The following STAG2 variants were observed in gnomAD, a reference collection of about 807,000 sequenced individuals.
The protein encoded by STAG2 is cohesin subunit SA-2.
STAG2 carries 14 observed loss-of-function variants against 108.1 expected under a neutral mutation model. The observed-to-expected ratio is 0.13, with a 90% CI of 0.09 to 0.20. The LOEUF is 0.20. STAG2 is among the 10% of genes least tolerant of loss of function. The pLI is 1.00. For missense variants in STAG2, 440 were observed against 940.9 expected, an observed-to-expected ratio of 0.47 and a Z score of 6.96; for synonymous variants, 307 against 302.7, an observed-to-expected ratio of 1.01 and a Z score of -0.15.
chrX:124,082,872 T>TCAAC (rs2058998719), intron 28 of STAG2, among the ~76,000 whole-genome samples: 1 of 111,678 alleles, frequency 9.0e-6, no homozygotes, highest in Admixed American at 9.6e-5. Flanking sequence ...TCCATCTGGA[T>TCAAC]TGTTTTTTAC....
chrX:123,964,164 A>G (rs1248796795), intron 1 of STAG2, among the ~76,000 whole-genome samples: 1 of 110,317 alleles, frequency 9.1e-6, no homozygotes, highest in Admixed American at 9.7e-5. Context: ...GGGGGTAATG[A>G]CTTAAGTTTA....
At chrX:124,040,626 A>T (rs1277715055) in intron 6 of STAG2, among the ~76,000 whole-genome samples, 1 of 108,564 alleles carries the variant, frequency 9.2e-6, no homozygotes, top group Non-Finnish European at 1.9e-5. Context: ...GAAATGAGGG[A>T]TTGTTGAAAA....
intron 4 of STAG2, among the ~76,000 whole-genome samples, chrX:124,029,055 C>T (rs1238239400): frequency 2.0e-4 from 21 of 104,585 alleles, no homozygotes; most frequent in Non-Finnish European, 3.5e-4. Flanking sequence ...CTTGCTCTGT[C>T]GCCCAGGCTG....
At chrX:123,985,737 A>ATT (rs747850533) in intron 1 of STAG2, among the ~76,000 whole-genome samples, 5 of 101,620 alleles carry the variant, frequency 4.9e-5, no homozygotes, top group African/African-American at 1.4e-4. Flanking sequence ...TACCAGGCTA[A>ATT]TTTTTTTTTT....
chrX:124,061,108 C>A, intron 15 of STAG2, 116 bp from the exon 16 acceptor site: 1 of 488,390 alleles, frequency 2.0e-6, no homozygotes, highest in Non-Finnish European at 3.2e-6. Context: ...TATTTGACGT[C>A]AAAAAATAGA....
At chrX:123,991,166 A>G (rs1174367249) in intron 1 of STAG2, among the ~76,000 whole-genome samples, 1 of 111,949 alleles carries the variant, frequency 8.9e-6, no homozygotes, top group East Asian at 2.8e-4. Flanking sequence ...CAATGTACAT[A>G]ATTGTATAGT....
intron 30 of STAG2, among the ~76,000 whole-genome samples, chrX:124,089,130 C>A (rs1055020280): frequency 9.4e-6 from 1 of 106,514 alleles, no homozygotes; most frequent in African/African-American, 3.4e-5. Context: ...TTGCCAGGCT[C>A]GAACTCCTGA....
chrX:123,963,610 A>G (rs2053968460), intron 1 of STAG2, among the ~76,000 whole-genome samples: 1 of 101,428 alleles, frequency 9.9e-6, no homozygotes, highest in African/African-American at 3.7e-5. Flanking sequence ...TATGTTAAAT[A>G]GTCGATTTTT....
chrX:124,068,058 T>C (rs1569517035), intron 23 of STAG2, among the ~76,000 whole-genome samples: 1 of 110,074 alleles, frequency 9.1e-6, no homozygotes, highest in Non-Finnish European at 1.9e-5. Context: ...CCAATAAAAA[T>C]AAAAAGTTTG....
At chrX:124,028,858 G>C (rs1311984031) in intron 4 of STAG2, among the ~76,000 whole-genome samples, 13 of 95,899 alleles carry the variant, frequency 1.4e-4, no homozygotes, top group Non-Finnish European at 2.5e-4. Flanking sequence ...TCGCTCTGTT[G>C]ACCAGGCTTG....
intron 5 of STAG2, 106 bp from the exon 6 acceptor site, chrX:124,037,421 G>C (rs761808009): frequency 3.0e-5 from 9 of 296,446 alleles, no homozygotes; most frequent in Non-Finnish European, 5.3e-5. Context: ...TTATATTAAA[G>C]TAATGTGATA....
At chrX:124,070,422 G>C (rs1187688248) in intron 24 of STAG2, among the ~76,000 whole-genome samples, 1 of 111,109 alleles carries the variant, frequency 9.0e-6, no homozygotes, top group Non-Finnish European at 1.9e-5. Context: ...GTATTTTCTG[G>C]TTTACTTTGT....
intron 1 of STAG2, among the ~76,000 whole-genome samples, chrX:123,969,262 G>A (rs1269102941): frequency 9.0e-6 from 1 of 110,985 alleles, no homozygotes; most frequent in Non-Finnish European, 1.9e-5. Flanking sequence ...GGGGAATCAT[G>A]TGATACATGA....
chrX:124,087,959 A>G (rs1276844826), intron 30 of STAG2, among the ~76,000 whole-genome samples: 1 of 112,407 alleles, frequency 8.9e-6, no homozygotes, highest in Non-Finnish European at 1.9e-5. Context: ...TAGTCCCAAC[A>G]TCACAGTTGA....
chrX:123,971,194 C>G, intron 1 of STAG2, among the ~76,000 whole-genome samples: 1 of 112,067 alleles, frequency 8.9e-6, no homozygotes, highest in Middle Eastern at 4.6e-3. Context: ...CTTTGGGAGG[C>G]CGAGGCAGGT....
chrX:124,027,366 CGA>C (rs1001312058), intron 4 of STAG2, among the ~76,000 whole-genome samples: 2 of 112,155 alleles, frequency 1.8e-5, no homozygotes, highest in African/African-American at 6.5e-5. Flanking sequence ...TAAAAAGACT[CGA>C]GAGAGGGATA....
intron 1 of STAG2, among the ~76,000 whole-genome samples, chrX:124,002,319 T>A (rs773946683): frequency 8.9e-6 from 1 of 111,973 alleles, no homozygotes; most frequent in Non-Finnish European, 1.9e-5. Context: ...AATTTAGAAT[T>A]TCATATAAGT....
chrX:123,979,420 G>A (rs1027643334), intron 1 of STAG2, among the ~76,000 whole-genome samples: 3 of 111,775 alleles, frequency 2.7e-5, no homozygotes, highest in Admixed American at 9.6e-5. Flanking sequence ...TTGGAGTGTA[G>A]TAAGTATTTA....
intron 14 of STAG2, among the ~76,000 whole-genome samples, chrX:124,057,116 T>A (rs1253618619): frequency 8.9e-6 from 1 of 112,070 alleles, no homozygotes; most frequent in East Asian, 2.8e-4. Context: ...TAATAAAGTT[T>A]GACATAAGAA....
Sources: gnomAD v4.1 joint callset for allele counts (sites outside exome capture counted in the v4.1 genomes callset) on GRCh38, gnomAD v4.1.1 for gene constraint, MANE v1.5 for transcripts, NCBI Gene and HGNC (gene_info 2026-07-23, HGNC 2026-07-21) for gene names.